The following RYR2 variants were observed in gnomAD, a reference collection of about 807,000 sequenced individuals.
RYR2 encodes the protein cardiac muscle ryanodine receptor-calcium release channel.
A neutral mutation model predicts 601.1 loss-of-function variants in RYR2; 227 were observed. The ratio of observed to expected loss-of-function variants is 0.38; its 90% confidence interval spans 0.34 to 0.42. RYR2 has a LOEUF of 0.42. Among genes scored for constraint, RYR2 ranks in the 10% least tolerant of loss-of-function variants. The pLI, the probability that RYR2 is intolerant of heterozygous loss-of-function variation, is 1.00. For synonymous variants in RYR2, 2,223 were observed against 2,175.1 expected, an observed-to-expected ratio of 1.02 and a Z score of -0.61; for missense variants, 4,646 against 6,156.5, an observed-to-expected ratio of 0.75 and a Z score of 8.21.
At chr1:237,648,893 A>G (rs760634497) in intron 49 of RYR2, among the ~76,000 whole-genome samples, 14 of 152,236 alleles carry the variant, frequency 9.2e-5, no homozygotes, top group Admixed American at 6.5e-4. Flanking sequence ...AGAGGTTCAC[A>G]TAACTCTAAT....
rs1572035260 is a variant in RYR2 at position 237,155,070 on chromosome 1, C to T, written c.48+112501C>T. Among the ~76,000 whole-genome samples the T allele has an allele frequency of 3.3e-5, 5 of 152,104 alleles. No homozygotes were observed. In the East Asian group the frequency reaches 9.6e-4, roughly 29 times the overall value. ...GGGCTTTCTTTGGTGACTGTTGTCT[C>T]CTTGTTTGCTCAAATTAAGCTCCCC... On this transcript the variant is annotated intron_variant, in intron 1 of 104. Coordinates refer to ENST00000366574, the MANE Select transcript of RYR2 (RefSeq NM_001035.3).
chr1:237,604,749 A>G (rs1337543934), intron 35 of RYR2, among the ~76,000 whole-genome samples: 2 of 152,122 alleles, frequency 1.3e-5, no homozygotes, highest in Non-Finnish European at 2.9e-5. Context: ...TATCACCATC[A>G]ATCCCACAGA....
intron 14 of RYR2, 51 bp from the exon 15 acceptor site, chr1:237,454,340 G>C: frequency 6.5e-7 from 1 of 1,528,942 alleles, no homozygotes; most frequent in Non-Finnish European, 8.8e-7. Context: ...ATGGAAAAAT[G>C]ATAAAATTGT....
chr1:237,684,295 AAC>A (rs375131708), intron 62 of RYR2, among the ~76,000 whole-genome samples: 13 of 151,630 alleles, frequency 8.6e-5, no homozygotes, highest in South Asian at 2.1e-4. Context: ...CCTGAAGATA[AAC>A]ACACACACAC....
At chr1:237,487,457 A>G (rs1331284521) in intron 17 of RYR2, among the ~76,000 whole-genome samples, 1 of 151,090 alleles carries the variant, frequency 6.6e-6, no homozygotes, top group East Asian at 1.9e-4. Context: ...GTGTCTCGCA[A>G]CTATAATTTC....
intron 17 of RYR2, among the ~76,000 whole-genome samples, chr1:237,485,767 G>T (rs1239600500): frequency 6.6e-6 from 1 of 152,126 alleles, no homozygotes; most frequent in Non-Finnish European, 1.5e-5. Context: ...TGTTGTTTGT[G>T]GGAGGAAGCG....
intron 97 of RYR2, 91 bp downstream of exon 97, chr1:237,798,261 T>C: frequency 8.3e-7 from 1 of 1,205,354 alleles, no homozygotes; most frequent in Non-Finnish European, 1.2e-6. Context: ...TTTCCTTTCC[T>C]TCAATGTCAG....
chr1:237,092,599 G>A (rs1038078498), intron 1 of RYR2, among the ~76,000 whole-genome samples: 9 of 149,208 alleles, frequency 6.0e-5, no homozygotes, highest in South Asian at 2.1e-4. Context: ...GTGTGATTTC[G>A]GCTCACTGCA....
rs750510651 is a variant in RYR2, at chr1:237,454,522, A to G, written c.1424A>G (p.Lys475Arg). The change falls in exon 15 of 105, where the codon AAA becomes AGA. Residue 475 changes from lysine to arginine, a missense_variant. Physicochemically the swap from Lys to Arg is conservative, Grantham distance 26. Transcript: ENST00000366574. ...PPDEHLEHEDKQNRLRALKNR... is the reference protein window; with the variant it reads ...PPDEHLEHEDRQNRLRALKNR... The stretch of plus-strand genomic sequence containing the variant: ...GATGAGCATTTAGAGCATGAAGACA[A>G]ACAGAACAGACTACGAGCCCTGAAG... 1.9e-6 allele frequency: 3 copies of G among 1,613,464 alleles called. No homozygotes were observed. Among genetic ancestry groups the G allele is most frequent in the Non-Finnish European group, 2.5e-6 (3 of 1,179,660 alleles).
chr1:237,334,481 C>A (rs1697063547), intron 3 of RYR2, among the ~76,000 whole-genome samples: 1 of 149,488 alleles, frequency 6.7e-6, no homozygotes, highest in Non-Finnish European at 1.5e-5. Flanking sequence ...AGACCTAGAT[C>A]CAGTATTTAT....
chr1:237,533,128 A>G (rs1303562006), intron 25 of RYR2, among the ~76,000 whole-genome samples: 1 of 152,182 alleles, frequency 6.6e-6, no homozygotes, highest in Non-Finnish European at 1.5e-5. Flanking sequence ...CACAGCAATT[A>G]TTTGAGAGTG....
At chr1:237,545,561 G>A (rs903063734) in intron 25 of RYR2, among the ~76,000 whole-genome samples, 1 of 152,140 alleles carries the variant, frequency 6.6e-6, no homozygotes, top group African/African-American at 2.4e-5. Flanking sequence ...GCTGGCTTGT[G>A]CTGGGTGACC....
intron 21 of RYR2, among the ~76,000 whole-genome samples, chr1:237,501,370 C>T (rs1329041466): frequency 1.3e-5 from 2 of 151,974 alleles, no homozygotes; most frequent in Admixed American, 6.6e-5. Context: ...CTTCAGTGTT[C>T]CTCTCCACCT....
intron 27 of RYR2, among the ~76,000 whole-genome samples, chr1:237,559,312 G>T (rs1671219778): frequency 6.6e-6 from 1 of 152,008 alleles, no homozygotes; most frequent in South Asian, 2.1e-4. Context: ...TAATTCTATG[G>T]CATATTGAAA....
In RYR2 at chr1:237,493,424, A is replaced by G. The variant is rs996100316; in HGVS notation, c.1961+337A>G. 1.3e-5 allele frequency among the ~76,000 whole-genome samples: 2 copies of G among 152,174 alleles called. 1 individual carries two copies. The highest frequency in any genetic ancestry group is 4.1e-4 in the South Asian group (2 of 4,828). On this transcript the variant is annotated intron_variant, in intron 19 of 104. Transcript: ENST00000366574. ...TGTACTTTACATCTTCTTAGAATGT[A>G]ACTAAAAACACTATCCTTCAATATC...
In RYR2 at chr1:237,239,057, CAATT is replaced by C. The variant is rs113614612; in HGVS notation, c.49-31437_49-31434del. ...CCCATAAAATTACATATATTTTAAACAATTAAGGCAAAAAGTTATGATGCAAAAG... is the reference window on the plus strand; with the variant it reads ...CCCATAAAATTACATATATTTTAAACAAGGCAAAAAGTTATGATGCAAAAG... On this transcript the variant is annotated intron_variant, in intron 1 of 104. Coordinates refer to ENST00000366574, the MANE Select transcript of RYR2 (RefSeq NM_001035.3). 9.2e-5 allele frequency among the ~76,000 whole-genome samples: 14 copies of C among 152,208 alleles called. No homozygotes were observed. The East Asian group carries it at 1.2e-3, about 13-fold the overall frequency.
chr1:237,710,893 A>G (rs1688782044), intron 70 of RYR2, among the ~76,000 whole-genome samples: 1 of 152,188 alleles, frequency 6.6e-6, no homozygotes, highest in East Asian at 1.9e-4. Flanking sequence ...GTCCATTTTG[A>G]GCTGCCAAAA....
At chr1:237,296,233 T>C (rs1001285977) in intron 2 of RYR2, among the ~76,000 whole-genome samples, 5 of 152,072 alleles carry the variant, frequency 3.3e-5, no homozygotes, top group African/African-American at 1.2e-4. Context: ...GTGGAAGAGA[T>C]AGTTGGGGGC....
intron 32 of RYR2, 87 bp downstream of exon 32, chr1:237,591,940 T>G (rs1675251382): frequency 1.1e-6 from 1 of 884,530 alleles, no homozygotes; most frequent in Non-Finnish European, 1.7e-6. Context: ...TTCATCATAC[T>G]TAGTAACATT....
Sources: allele counts gnomAD v4.1 joint callset (sites outside exome capture counted in the v4.1 genomes callset), GRCh38; gene constraint gnomAD v4.1.1; transcripts MANE v1.5; gene names NCBI Gene and HGNC (gene_info 2026-07-23, HGNC 2026-07-21).